Variants in PCDHGA4 observed in about 807,000 individuals in gnomAD.
The protein encoded by PCDHGA4 is protocadherin gamma-A4.
In PCDHGA4, 38 loss-of-function variants were observed where a neutral mutation model predicts 54.6. The ratio of observed to expected loss-of-function variants is 0.70; its 90% CI spans 0.54 to 0.91. The LOEUF (loss-of-function observed/expected upper bound fraction) is 0.91, where lower values mean the gene tolerates loss of function less well. PCDHGA4 is among the 40% of genes least tolerant of loss of function. The pLI is 0.00. For synonymous variants in PCDHGA4, 511 were observed against 512.9 expected (o/e 1.00, Z 0.05); for missense variants, 1,298 against 1,220.9 (o/e 1.06, Z -0.94).
At chr5:141,370,334 T>C in intron 1 of PCDHGA4, 3 of 1,443,302 alleles carry the variant, frequency 2.1e-6, no homozygotes, top group Non-Finnish European at 2.8e-6. Context: ...CGGAGAACTC[T>C]TGGGATTATT....
chr5:141,410,843 C>CTTTTTAT, intron 1 of PCDHGA4: 1 of 216,280 alleles, frequency 4.6e-6, no homozygotes. Context: ...GATATTTTGT[C>CTTTTTAT]TTTGTCTTTT....
chr5:141,387,037 A>G (rs2090794833), intron 1 of PCDHGA4, among the ~76,000 whole-genome samples: 1 of 152,258 alleles, frequency 6.6e-6, no homozygotes, highest in Non-Finnish European at 1.5e-5. Flanking sequence ...TTTCATAACC[A>G]GTAAAATAAT....
chr5:141,399,055 G>A (rs372997829), intron 1 of PCDHGA4: 3 of 1,613,726 alleles, frequency 1.9e-6, no homozygotes, highest in African/African-American at 2.7e-5. Context: ...AGAGACCAAG[G>A]AATATTCAAT....
At chr5:141,357,994 A>G (rs1378824795) in intron 1 of PCDHGA4, among the ~76,000 whole-genome samples, 1 of 152,294 alleles carries the variant, frequency 6.6e-6, no homozygotes, top group South Asian at 2.1e-4. Context: ...GTTCGAGACC[A>G]GTCTGGGCAA....
chr5:141,476,146 G>C lies in PCDHGA4; in HGVS notation c.2515-18661G>C. 1 of 1,611,402 alleles carries C rather than the reference G, an allele frequency of 6.2e-7. No individual in the cohort carries two copies. On this transcript the variant is annotated intron_variant, in intron 1 of 3. Transcript: ENST00000571252. This position sits in a 1 kb window ranked among gnomAD's most constrained non-coding sequence, Gnocchi z 7.6. ...TCCCAGAGGCCTGGAGGAGCGGACT[G>C]GTAAGCACCGGGAGGGTAGTGGGAG...
chr5:141,376,348 C>T (rs1293667748), intron 1 of PCDHGA4: 6 of 1,614,184 alleles, frequency 3.7e-6, no homozygotes, highest in Non-Finnish European at 4.2e-6. Context: ...CCTATTCCCA[C>T]GAGGTCTCAC....
chr5:141,420,079 C>A, intron 1 of PCDHGA4: 1 of 1,613,998 alleles, frequency 6.2e-7, no homozygotes, highest in Non-Finnish European at 8.5e-7. Flanking sequence ...CTGTGGGTCC[C>A]CCCAACTACA....
intron 1 of PCDHGA4, among the ~76,000 whole-genome samples, chr5:141,454,268 G>A (rs2098785692): frequency 6.6e-6 from 1 of 152,126 alleles, no homozygotes; most frequent in African/African-American, 2.4e-5. Context: ...AGTAATGCCA[G>A]CAAAAACTTC....
chr5:141,427,704 G>A (rs2097059746), intron 1 of PCDHGA4: 1 of 966,116 alleles, frequency 1.0e-6, no homozygotes, highest in Non-Finnish European at 1.6e-6. Flanking sequence ...ACAAGTCAGC[G>A]CCTCTGACCT....
intron 1 of PCDHGA4, chr5:141,433,007 C>T (rs550227016): frequency 1.2e-6 from 2 of 1,614,198 alleles, no homozygotes; most frequent in Admixed American, 3.3e-5. Context: ...GCAGGCTTTC[C>T]TGCAGACCTA....
Position 141,372,333 on chromosome 5 carries a change from C to T in PCDHGA4, c.2514+14712C>T, listed in dbSNP as rs376897075. On this transcript the variant is annotated intron_variant, in intron 1 of 3. Transcript: ENST00000571252. The stretch of plus-strand genomic sequence containing the variant: ...CCGCCAGCGCCTGCTGGTCACTGTG[C>T]GTGATGGAGGACAGCAGCCTCTTTC... 5.9e-5 allele frequency: 96 copies of T among 1,613,614 alleles called. No homozygotes were observed. Among genetic ancestry groups the T allele is most frequent in the Non-Finnish European group, 7.9e-5 (93 of 1,179,914 alleles).
chr5:141,368,929 T>G (rs1183733565), intron 1 of PCDHGA4, among the ~76,000 whole-genome samples: 1 of 152,228 alleles, frequency 6.6e-6, no homozygotes, highest in South Asian at 2.1e-4. Flanking sequence ...AGTGTCTGTC[T>G]AGAATTCTGG....
At chr5:141,370,796 C>T (rs1460787163) in intron 1 of PCDHGA4, 2 of 1,613,888 alleles carry the variant, frequency 1.2e-6, no homozygotes, top group Non-Finnish European at 1.7e-6. Context: ...CGACCTTTAG[C>T]CAAAATATCA....
At chr5:141,496,602 C>T (rs981108050) in intron 2 of PCDHGA4, among the ~76,000 whole-genome samples, 1 of 152,150 alleles carries the variant, frequency 6.6e-6, no homozygotes, top group Non-Finnish European at 1.5e-5. Flanking sequence ...TCTTAGAAGG[C>T]CCCTAAAAAG....
chr5:141,365,221 C>T (rs1175888601), intron 1 of PCDHGA4: 1 of 1,613,860 alleles, frequency 6.2e-7, no homozygotes, highest in East Asian at 2.2e-5. Flanking sequence ...TTGATTCCAA[C>T]CTGGGGGAAA....
chr5:141,362,722 T>C, intron 1 of PCDHGA4: 3 of 871,460 alleles, frequency 3.4e-6, no homozygotes, highest in Non-Finnish European at 5.1e-6. Context: ...CTCTCTGAAG[T>C]GTGAGATTTA....
At chr5:141,460,985 ATATATATATATGTG>A (rs2099005673) in intron 1 of PCDHGA4, among the ~76,000 whole-genome samples, 1 of 91,766 alleles carries the variant, frequency 1.1e-5, no homozygotes, top group Non-Finnish European at 2.2e-5. Flanking sequence ...GTGTGTGTGT[ATATATATATATGTG>A]TATATATATA....
chr5:141,372,497 G>T, intron 1 of PCDHGA4: 2 of 1,614,032 alleles, frequency 1.2e-6, no homozygotes, highest in Non-Finnish European at 1.7e-6. Flanking sequence ...TGATCTCAGT[G>T]CTCTTCCTCC....
intron 1 of PCDHGA4, chr5:141,388,880 G>T: frequency 1.2e-6 from 2 of 1,613,982 alleles, no homozygotes; most frequent in Non-Finnish European, 1.7e-6. Flanking sequence ...GCACAGTGGA[G>T]GTAGAAGTCA....
Sources: gnomAD v4.1 joint callset for allele counts (sites outside exome capture counted in the v4.1 genomes callset) on GRCh38, gnomAD v4.1.1 for gene constraint, Gnocchi (gnomAD v3.1) non-coding constraint, MANE v1.5 for transcripts, NCBI Gene and HGNC (gene_info 2026-07-23, HGNC 2026-07-21) for gene names.